Variants in NAV2 observed in about 807,000 individuals in gnomAD.
The protein encoded by NAV2 is neuron navigator 2, also known as helicase, APC down-regulated 1.
A neutral mutation model predicts 223.2 loss-of-function variants in NAV2; 54 were observed. The observed-to-expected ratio is 0.24, with a 90% CI of 0.19 to 0.30. The LOEUF is 0.30. NAV2 is among the 10% of genes least tolerant of loss of function. The pLI, the probability that NAV2 is intolerant of heterozygous loss-of-function variation, is 1.00. For synonymous variants in NAV2, 1,279 were observed against 1,239.3 expected (o/e 1.03, Z -0.67); for missense variants, 2,806 against 3,147.5 (o/e 0.89, Z 2.60).
intron 11 of NAV2, among the ~76,000 whole-genome samples, chr11:19,991,734 G>T (rs573563675): frequency 6.6e-6 from 1 of 152,188 alleles, no homozygotes; most frequent in South Asian, 2.1e-4. Context: ...TAGTAATTCA[G>T]CATTGAGCTT....
intron 1 of NAV2, among the ~76,000 whole-genome samples, chr11:19,757,239 T>G (rs2054306458): frequency 6.6e-6 from 1 of 152,182 alleles, no homozygotes; most frequent in Non-Finnish European, 1.5e-5. Context: ...TTTGTGGTGT[T>G]GCCAAACCCT....
intron 1 of NAV2, among the ~76,000 whole-genome samples, chr11:19,581,167 C>T (rs1239817861): frequency 6.6e-6 from 1 of 152,102 alleles, no homozygotes; most frequent in Non-Finnish European, 1.5e-5. Flanking sequence ...GTATACTAAT[C>T]TGTAGGTTGT....
At chr11:19,452,433 C>T (rs1438664257) in intron 1 of NAV2, among the ~76,000 whole-genome samples, 3 of 152,128 alleles carry the variant, frequency 2.0e-5, no homozygotes, top group African/African-American at 7.2e-5. Flanking sequence ...ACCTCTAGGA[C>T]AGGTTCCTTG....
At chr11:19,387,900 AC>A (rs987451114) in intron 1 of NAV2, among the ~76,000 whole-genome samples, 1 of 152,144 alleles carries the variant, frequency 6.6e-6, no homozygotes, top group Admixed American at 6.5e-5. Flanking sequence ...GACCTGATTC[AC>A]CCACTTGTTC....
At chr11:19,749,058 A>G (rs907616472) in intron 1 of NAV2, among the ~76,000 whole-genome samples, 1 of 152,232 alleles carries the variant, frequency 6.6e-6, no homozygotes, top group Non-Finnish European at 1.5e-5. Flanking sequence ...TTGTTTAAGC[A>G]TCCTCTGTAT....
chr11:19,734,480 G>A (rs1360360233), intron 1 of NAV2, among the ~76,000 whole-genome samples: 1 of 152,052 alleles, frequency 6.6e-6, no homozygotes, highest in Non-Finnish European at 1.5e-5. Context: ...AACCACCCAG[G>A]GTCTCTTTTC....
chr11:19,878,943 A>G (rs2063028449), intron 4 of NAV2, among the ~76,000 whole-genome samples: 1 of 152,128 alleles, frequency 6.6e-6, no homozygotes, highest in Non-Finnish European at 1.5e-5. Flanking sequence ...TTGCCAGTTA[A>G]GAAAAACCCA....
intron 1 of NAV2, among the ~76,000 whole-genome samples, chr11:19,755,268 C>T (rs10833165): frequency 0.69 from 105,421 of 152,178 alleles, 36,742 homozygotes; most frequent in East Asian, 0.91. Flanking sequence ...AGAGAATTGG[C>T]TTGCCCAATG....
chr11:19,364,932 C>T (rs1326237670), intron 1 of NAV2, among the ~76,000 whole-genome samples: 1 of 152,196 alleles, frequency 6.6e-6, no homozygotes, highest in African/African-American at 2.4e-5. Context: ...AACAATATTT[C>T]GGTTTTCGTT....
intron 3 of NAV2, 50 bp downstream of exon 3, chr11:19,842,973 C>A (rs1393264626): frequency 6.7e-7 from 1 of 1,487,486 alleles, no homozygotes; most frequent in Non-Finnish European, 9.4e-7. Context: ...GCAAGCCCTG[C>A]CTCTAAGTGA....
At chr11:19,877,627 C>T (rs887313074) in intron 4 of NAV2, among the ~76,000 whole-genome samples, 4 of 151,996 alleles carry the variant, frequency 2.6e-5, no homozygotes, top group Non-Finnish European at 5.9e-5. Context: ...CGCCCGCCAC[C>T]ACGCCCGGCT....
chr11:19,573,132 A>G lies in NAV2; in HGVS notation c.75+222105A>G, dbSNP rs114793806. On this transcript the variant is annotated intron_variant, in intron 1 of 37. Coordinates refer to the NAV2 transcript ENST00000360655. ...TGAGCTTGCTGTTTCCTTTGCCTAG[A>G]ACATTCTTACCTCCCACCTCCACCC... 5.1e-3 allele frequency among the ~76,000 whole-genome samples: 775 copies of G among 152,250 alleles called. 5 individuals are homozygous for G. The highest frequency in any genetic ancestry group is 0.018 in the African/African-American group (744 of 41,538).
chr11:19,677,680 C>T (rs773394688), intron 1 of NAV2, among the ~76,000 whole-genome samples: 6 of 152,350 alleles, frequency 3.9e-5, no homozygotes, highest in Admixed American at 3.9e-4. Flanking sequence ...GACTCACAGC[C>T]CTGACTGAGT....
intron 1 of NAV2, among the ~76,000 whole-genome samples, chr11:19,583,987 G>T (rs1385728945): frequency 6.6e-6 from 1 of 152,176 alleles, no homozygotes; most frequent in Non-Finnish European, 1.5e-5. Context: ...GTAGAATTCG[G>T]CTGTGAATCC....
At chr11:19,924,042 A>C in intron 6 of NAV2, among the ~76,000 whole-genome samples, 1 of 152,158 alleles carries the variant, frequency 6.6e-6, no homozygotes, top group Admixed American at 6.5e-5. Flanking sequence ...GGATTTTTAA[A>C]ATTTGTGTAG....
At chr11:20,019,500 T>TG (rs2054307042) in intron 11 of NAV2, among the ~76,000 whole-genome samples, 2 of 152,112 alleles carry the variant, frequency 1.3e-5, no homozygotes, top group Non-Finnish European at 2.9e-5. Context: ...TTACAGACTT[T>TG]AGAGTTGTCT....
At chr11:19,706,554 T>C (rs1273871905) in intron 1 of NAV2, among the ~76,000 whole-genome samples, 2 of 152,220 alleles carry the variant, frequency 1.3e-5, no homozygotes, top group Non-Finnish European at 1.5e-5. Context: ...CCCTACTAGA[T>C]TGTGAGTTGT....
intron 1 of NAV2, among the ~76,000 whole-genome samples, chr11:19,575,731 G>A (rs555532178): frequency 1.8e-4 from 28 of 152,262 alleles, no homozygotes; most frequent in South Asian, 1.2e-3. Context: ...TCCAACTAAA[G>A]TGGGAGCTCC....
At chr11:19,550,729 C>T (rs2044663691) in intron 1 of NAV2, among the ~76,000 whole-genome samples, 1 of 152,220 alleles carries the variant, frequency 6.6e-6, no homozygotes, top group Non-Finnish European at 1.5e-5. Context: ...CAGGACTCAA[C>T]TCCTGAGATG....
Sources: allele counts gnomAD v4.1 joint callset (sites outside exome capture counted in the v4.1 genomes callset), GRCh38; gene constraint gnomAD v4.1.1; transcripts MANE v1.5; gene names NCBI Gene and HGNC (gene_info 2026-07-23, HGNC 2026-07-21).